The following PVT1 variants were observed in gnomAD, a reference collection of about 807,000 sequenced individuals.
PVT1 encodes the protein Pvt1 oncogene.
intron 3 of PVT1, among the ~76,000 whole-genome samples, chr8:127,949,689 C>T (rs886848346): frequency 2.0e-5 from 3 of 152,294 alleles, no homozygotes; most frequent in Non-Finnish European, 2.9e-5. Context: ...ACGCTGAAAC[C>T]CGTGAATCTG....
intron 5 of PVT1, among the ~76,000 whole-genome samples, chr8:128,092,367 T>C (rs1207985454): frequency 6.6e-6 from 1 of 152,192 alleles, no homozygotes; most frequent in Non-Finnish European, 1.5e-5. Flanking sequence ...GCCTCAGGCC[T>C]TCCTCTGACT....
At chr8:127,952,683 T>C (rs1181390168) in intron 3 of PVT1, among the ~76,000 whole-genome samples, 1 of 152,230 alleles carries the variant, frequency 6.6e-6, no homozygotes, top group Non-Finnish European at 1.5e-5. Context: ...CATTTTCCGA[T>C]GAGGCAACAG....
chr8:128,078,950 G>A (rs1327099985), intron 5 of PVT1, among the ~76,000 whole-genome samples: 1 of 151,080 alleles, frequency 6.6e-6, no homozygotes, highest in Admixed American at 6.6e-5. Flanking sequence ...ACCACACTTG[G>A]CTAGTTAGGG....
At chr8:128,089,042 A>C (rs758875679) in intron 5 of PVT1, among the ~76,000 whole-genome samples, 1 of 152,216 alleles carries the variant, frequency 6.6e-6, no homozygotes, top group Non-Finnish European at 1.5e-5. Context: ...CACTGAGGCC[A>C]GGGGAAAATA....
intron 2 of PVT1, among the ~76,000 whole-genome samples, chr8:127,812,211 A>AAAGGCAGGAAGGCAGGAAGGCAGG (rs1254594393): frequency 3.1e-5 from 4 of 128,884 alleles, no homozygotes; most frequent in Non-Finnish European, 6.2e-5. Context: ...AGGAAGGAGG[A>AAAGGCAGGAAGGCAGGAAGGCAGG]AAGGCAGGAA....
At chr8:127,832,662 T>G (rs1284010802) in intron 2 of PVT1, among the ~76,000 whole-genome samples, 3 of 152,042 alleles carry the variant, frequency 2.0e-5, no homozygotes, top group Non-Finnish European at 2.9e-5. Context: ...ATAGAGACCA[T>G]CCTGGCTAAC....
chr8:128,084,006 A>T (rs1201286718), intron 5 of PVT1, among the ~76,000 whole-genome samples: 2 of 152,158 alleles, frequency 1.3e-5, no homozygotes, highest in African/African-American at 4.8e-5. Flanking sequence ...TACCTTCTCC[A>T]CCAAGGACAG....
chr8:128,071,829 GC>G (rs1814000066), intron 5 of PVT1, among the ~76,000 whole-genome samples: 2 of 152,110 alleles, frequency 1.3e-5, no homozygotes, highest in African/African-American at 4.8e-5. Flanking sequence ...TCTCTTGGCA[GC>G]CCTCTGAGAG....
intron 3 of PVT1, among the ~76,000 whole-genome samples, chr8:127,910,409 A>G (rs1189098714): frequency 6.6e-6 from 1 of 152,220 alleles, no homozygotes; most frequent in Non-Finnish European, 1.5e-5. Flanking sequence ...ACTGGGGATC[A>G]CAATCTCAGT....
At chr8:127,970,622 A>T (rs918352282) in intron 3 of PVT1, among the ~76,000 whole-genome samples, 2 of 152,114 alleles carry the variant, frequency 1.3e-5, no homozygotes, top group Non-Finnish European at 2.9e-5. Flanking sequence ...ACTAGCCGTC[A>T]ATCTCCAACC....
At chr8:127,982,604 G>A (rs2129982003) in intron 3 of PVT1, among the ~76,000 whole-genome samples, 1 of 151,934 alleles carries the variant, frequency 6.6e-6, no homozygotes, top group South Asian at 2.1e-4. Flanking sequence ...GAGCTCAAGA[G>A]TTCCAGACCA....
chr8:127,795,195 T>C (rs528155188), intron 1 of PVT1, among the ~76,000 whole-genome samples: 120 of 152,344 alleles, frequency 7.9e-4, no homozygotes, highest in African/African-American at 2.7e-3. Flanking sequence ...CTCCGTGTTT[T>C]GAGACTTTCT....
intron 5 of PVT1, among the ~76,000 whole-genome samples, chr8:128,074,258 G>T (rs2130140338): frequency 6.6e-6 from 1 of 152,264 alleles, no homozygotes; most frequent in East Asian, 1.9e-4. Context: ...TGTAATCCCA[G>T]GACTTTGGAA....
intron 2 of PVT1, among the ~76,000 whole-genome samples, chr8:127,818,869 T>TTCTC (rs899657804): frequency 7.3e-6 from 1 of 137,080 alleles, no homozygotes; most frequent in African/African-American, 2.5e-5. Flanking sequence ...ACGCTGGTTA[T>TTCTC]TCTCTCTCTC....
chr8:127,933,766 C>T (rs1295893628), intron 3 of PVT1, among the ~76,000 whole-genome samples: 2 of 152,194 alleles, frequency 1.3e-5, no homozygotes, highest in Admixed American at 6.5e-5. Context: ...GTGTAAGAGC[C>T]TGGGCATAGG....
At chr8:127,944,645 C>T (rs1355640818) in intron 3 of PVT1, among the ~76,000 whole-genome samples, 2 of 151,930 alleles carry the variant, frequency 1.3e-5, no homozygotes, top group Non-Finnish European at 2.9e-5. Context: ...ACAAAAGCAG[C>T]CAGCCAGCTC....
intron 2 of PVT1, among the ~76,000 whole-genome samples, chr8:127,857,136 G>T (rs1815170135): frequency 6.6e-6 from 1 of 152,212 alleles, no homozygotes; most frequent in Non-Finnish European, 1.5e-5. Flanking sequence ...TGAGGCAGGA[G>T]AATTGCTTGA....
chr8:127,802,654 T>C (rs898560917), intron 2 of PVT1, among the ~76,000 whole-genome samples: 1 of 152,222 alleles, frequency 6.6e-6, no homozygotes, highest in African/African-American at 2.4e-5. Context: ...TAAAATTACA[T>C]GTGGGTTGAA....
intron 4 of PVT1, among the ~76,000 whole-genome samples, chr8:128,006,660 A>G (rs539054502): frequency 2.6e-5 from 4 of 152,318 alleles, no homozygotes; most frequent in African/African-American, 7.2e-5. Flanking sequence ...TTCTACTTCC[A>G]TCATTACTCC....
Sources: gnomAD v4.1 joint callset for allele counts (sites outside exome capture counted in the v4.1 genomes callset) on GRCh38, gnomAD v4.1.1 for gene constraint, MANE v1.5 for transcripts, NCBI Gene and HGNC (gene_info 2026-07-23, HGNC 2026-07-21) for gene names.